PARPBP: variants seen among roughly 807,000 people sequenced by gnomAD.
The protein encoded by PARPBP is PARP1 binding protein.
PARPBP carries 52 observed loss-of-function variants against 50.0 expected under a neutral mutation model. That is an observed-to-expected ratio of 1.04 (90% CI 0.83 to 1.31). The LOEUF (loss-of-function observed/expected upper bound fraction) is 1.31. Among genes scored for constraint, PARPBP ranks in the 50% most tolerant of loss-of-function variants. PARPBP has a pLI of 0.00. For synonymous variants in PARPBP, 244 were observed against 232.1 expected (o/e 1.05, Z -0.47); for missense variants, 697 against 672.0 (o/e 1.04, Z -0.41).
chr12:102,189,384 C>T (rs1206929957), intron 9 of PARPBP, among the ~76,000 whole-genome samples: 1 of 152,200 alleles, frequency 6.6e-6, no homozygotes, highest in Non-Finnish European at 1.5e-5. Flanking sequence ...TGGAAATGAT[C>T]TGTGTTTGTA....
intron 2 of PARPBP, among the ~76,000 whole-genome samples, chr12:102,141,075 C>T (rs1279661855): frequency 2.0e-5 from 3 of 152,154 alleles, no homozygotes; most frequent in Admixed American, 1.3e-4. Context: ...CTAATGTTGA[C>T]AGTGGGGTGT....
chr12:102,132,764 TATTA>T (rs1308757514), intron 2 of PARPBP, among the ~76,000 whole-genome samples: 1 of 152,218 alleles, frequency 6.6e-6, no homozygotes, highest in African/African-American at 2.4e-5. Flanking sequence ...ATTTTAACAA[TATTA>T]ATTCTTCCAG....
chr12:102,176,206 A>T (rs1594599777), intron 7 of PARPBP, among the ~76,000 whole-genome samples: 1 of 149,918 alleles, frequency 6.7e-6, no homozygotes, highest in Non-Finnish European at 1.5e-5. Flanking sequence ...CTAGTCTCAA[A>T]CTCCTGACCT....
At chr12:102,165,590 CA>C (rs904693071) in intron 5 of PARPBP, 138 bp from the exon 6 acceptor site, 1 of 640,626 alleles carries the variant, frequency 1.6e-6, no homozygotes, top group Non-Finnish European at 2.7e-6. Flanking sequence ...ACTTCTGACT[CA>C]AAGTGTGTCA....
intron 3 of PARPBP, among the ~76,000 whole-genome samples, chr12:102,149,854 G>A (rs1159352978): frequency 1.3e-5 from 2 of 152,214 alleles, no homozygotes; most frequent in Non-Finnish European, 2.9e-5. Flanking sequence ...TTCTTCCTTA[G>A]CTATATTTTA....
intron 6 of PARPBP, among the ~76,000 whole-genome samples, chr12:102,167,938 A>G (rs745778311): frequency 2.0e-4 from 30 of 152,246 alleles, no homozygotes; most frequent in Middle Eastern, 3.4e-3. Context: ...CCCTGCCTTT[A>G]CATAGCCATC....
At chr12:102,137,628 A>G (rs1333762801) in intron 2 of PARPBP, among the ~76,000 whole-genome samples, 2 of 151,958 alleles carry the variant, frequency 1.3e-5, no homozygotes, top group African/African-American at 4.8e-5. Flanking sequence ...TACATTAGGT[A>G]CATCTCCTAA....
chr12:102,125,637 CTT>C (rs1881882823), intron 2 of PARPBP, among the ~76,000 whole-genome samples: 1 of 152,122 alleles, frequency 6.6e-6, no homozygotes, highest in African/African-American at 2.4e-5. Context: ...ACTTTTTTCT[CTT>C]TTTCTATTTT....
At chr12:102,151,925 G>T in intron 3 of PARPBP, 1 of 667,912 alleles carries the variant, frequency 1.5e-6, no homozygotes, top group Non-Finnish European at 2.5e-6. Flanking sequence ...AAAACCAGGA[G>T]CAAACCTCCG....
Position 102,197,034 on chromosome 12 carries a change from C to CT in PARPBP, c.*747dup. The CT allele has an allele frequency of 6.2e-7, 1 of 1,612,122 alleles. No homozygotes were observed. Among genetic ancestry groups the CT allele is most frequent in the Non-Finnish European group, 8.5e-7 (1 of 1,178,704 alleles). ...AGTTTTCTTCATCCCCAATTTCTCTCTTTTCTTGTGTTGATTCAGTATTCT... is the reference window on the plus strand; with the variant it reads ...AGTTTTCTTCATCCCCAATTTCTCTCTTTTTCTTGTGTTGATTCAGTATTCT... On this transcript the variant is annotated 3_prime_UTR_variant, in exon 11 of 11. Coordinates refer to ENST00000327680, the MANE Select transcript of PARPBP (RefSeq NM_017915.5).
Position 102,143,113 on chromosome 12 carries a change from C to T in PARPBP, c.154-5117C>T, listed in dbSNP as rs576112910. On this transcript the variant is annotated intron_variant, in intron 2 of 10. Coordinates refer to ENST00000327680, the MANE Select transcript of PARPBP (RefSeq NM_017915.5). ...GGTGGAGTGTACAGAGGCAGGCGGG[C>T]CTCCTTGAGCTGTGGTGGGTTCCAC... Among the ~76,000 whole-genome samples, 3 of 152,268 alleles carry T rather than the reference C, an allele frequency of 2.0e-5. No homozygotes were observed. In the South Asian group the frequency reaches 6.2e-4, roughly 32 times the overall value.
Position 102,178,608 on chromosome 12 carries a change from T to C in PARPBP, c.1022T>C (p.Ile341Thr). The stretch of plus-strand genomic sequence containing the variant: ...TTGTCTCAGCCAAAATCTCATGCCA[T>C]AAACCATGGTACTGCATACTGTGGC... ...ISPARPKSHA[I>T]NHGTAYCGRD... Residue 341 changes from isoleucine to threonine, a missense_variant, in exon 8 of 11, where the codon ATA becomes ACA. Ile to Thr is a moderately conservative substitution (Grantham distance 89). Transcript: ENST00000327680. The C allele has an allele frequency of 6.3e-7, 1 of 1,583,662 alleles. No individual in the cohort carries two copies. Among genetic ancestry groups the C allele is most frequent in the Non-Finnish European group, 8.6e-7 (1 of 1,166,150 alleles).
chr12:102,153,647 C>T (rs1187511610), intron 3 of PARPBP, among the ~76,000 whole-genome samples: 1 of 152,210 alleles, frequency 6.6e-6, no homozygotes, highest in East Asian at 1.9e-4. Context: ...ACCCTAAACT[C>T]TTTCTTTACT....
At position 102,156,484 on chromosome 12, in the gene PARPBP, G is replaced by A. The variant is rs567535364; in HGVS notation, c.495+2508G>A. 4.6e-4 allele frequency among the ~76,000 whole-genome samples: 70 copies of A among 151,860 alleles called. 3 individuals are homozygous for A. The South Asian group carries it at 7.5e-3, about 16-fold the overall frequency. Reference sequence around the variant, plus strand: ...TGGGATTACAGGTGTGAGCCACTGCGCCCGGCCCAGAATTAACCTTAAATA... The same window carrying A: ...TGGGATTACAGGTGTGAGCCACTGCACCCGGCCCAGAATTAACCTTAAATA... On this transcript the variant is annotated intron_variant, in intron 4 of 10. Transcript: ENST00000327680.
chr12:102,143,552 T>A (rs928450548), intron 2 of PARPBP, among the ~76,000 whole-genome samples: 1 of 152,238 alleles, frequency 6.6e-6, no homozygotes, highest in Non-Finnish European at 1.5e-5. Flanking sequence ...ATCACTCATC[T>A]TCTGCGTCGC....
intron 2 of PARPBP, among the ~76,000 whole-genome samples, chr12:102,137,708 T>C (rs543222671): frequency 1.3e-5 from 2 of 150,554 alleles, no homozygotes; most frequent in East Asian, 4.0e-4. Flanking sequence ...CCTGTGTCCA[T>C]GTGTTCTCAT....
intron 2 of PARPBP, among the ~76,000 whole-genome samples, chr12:102,138,077 C>T (rs1321675648): frequency 6.6e-6 from 1 of 152,202 alleles, no homozygotes; most frequent in Non-Finnish European, 1.5e-5. Context: ...GAGGAATCAC[C>T]ACACTGACTT....
At position 102,148,250 on chromosome 12, in the gene PARPBP, C is replaced by A; in HGVS notation, c.174C>A (p.Val58=). 2 of 1,552,960 alleles carry A rather than the reference C, an allele frequency of 1.3e-6. No individual in the cohort carries two copies. Among genetic ancestry groups the A allele is most frequent in the Non-Finnish European group, 1.8e-6 (2 of 1,139,028 alleles). Residue 58 remains valine, a synonymous_variant, in exon 3 of 11, where the codon GTC becomes GTA. Coordinates refer to ENST00000327680, the MANE Select transcript of PARPBP (RefSeq NM_017915.5). ...NNKQHSGEFT[V]SLSDVLLTWK... is the part of the protein sequence containing the mutation. ...TTCAGCACAGTGGAGAATTTACAGT[C>A]TCTCTCAGTGATGTTTTATTGACAT...
intron 7 of PARPBP, among the ~76,000 whole-genome samples, chr12:102,177,928 A>G (rs1014786272): frequency 6.6e-6 from 1 of 152,172 alleles, no homozygotes; most frequent in African/African-American, 2.4e-5. Context: ...TCCTCTGTGG[A>G]ATCATCTTTG....
Sources: allele counts gnomAD v4.1 joint callset (sites outside exome capture counted in the v4.1 genomes callset), GRCh38; gene constraint gnomAD v4.1.1; transcripts MANE v1.5; gene names NCBI Gene and HGNC (gene_info 2026-07-23, HGNC 2026-07-21).